The following MAGI3 variants were observed in gnomAD, a reference collection of about 807,000 sequenced individuals.
MAGI3 encodes membrane-associated guanylate kinase, WW and PDZ domain-containing protein 3.
A neutral mutation model predicts 121.8 loss-of-function variants in MAGI3; 43 were observed. The observed-to-expected ratio is 0.35, with a 90% CI of 0.28 to 0.46. The LOEUF (loss-of-function observed/expected upper bound fraction) is 0.46, where lower values mean the gene tolerates loss of function less well. MAGI3 is among the 20% of genes least tolerant of loss of function. MAGI3 has a pLI of 1.00. For missense variants in MAGI3, 1,547 were observed against 1,797.3 expected (o/e 0.86, Z 2.52); for synonymous variants, 553 against 639.3 (o/e 0.86, Z 2.04).
chr1:113,453,885 A>G (rs1215375931), intron 1 of MAGI3, among the ~76,000 whole-genome samples: 6 of 152,260 alleles, frequency 3.9e-5, no homozygotes, highest in South Asian at 2.1e-4. Context: ...GCACTTAACC[A>G]TCATGCTATC....
At position 113,622,971 on chromosome 1, in the gene MAGI3, C is replaced by G; in HGVS notation, c.1337C>G (p.Ala446Gly). The G allele has an allele frequency of 1.3e-6, 2 of 1,534,518 alleles. No individual in the cohort carries two copies. Among genetic ancestry groups the G allele is most frequent in the South Asian group, 1.3e-5 (1 of 75,232 alleles). ...VKNVLKDGPAAQDGKIAPGDV... is the reference protein window; with the variant it reads ...VKNVLKDGPAGQDGKIAPGDV... Reference sequence around the variant, plus strand: ...AATGTGCTGAAAGATGGTCCCGCAGCTCAGGATGGGAAAATTGCACCAGGT... The same window carrying G: ...AATGTGCTGAAAGATGGTCCCGCAGGTCAGGATGGGAAAATTGCACCAGGT... Residue 446 changes from alanine to glycine, a missense_variant, in exon 9 of 21, where the codon GCT becomes GGT. Physicochemically the swap from Ala to Gly is moderately conservative, Grantham distance 60. Transcript: ENST00000307546.
At chr1:113,624,935 C>A (rs1490081550) in intron 9 of MAGI3, among the ~76,000 whole-genome samples, 4 of 152,116 alleles carry the variant, frequency 2.6e-5, no homozygotes, top group African/African-American at 9.7e-5. Flanking sequence ...ATGTGGATAT[C>A]CAATTTTCCT....
At chr1:113,583,111 GA>G (rs1246742193) in intron 3 of MAGI3, among the ~76,000 whole-genome samples, 1 of 151,078 alleles carries the variant, frequency 6.6e-6, no homozygotes, top group East Asian at 1.9e-4. Context: ...AACATCTCAA[GA>G]AAAAATAGAT....
chr1:113,595,599 A>C, intron 6 of MAGI3, among the ~76,000 whole-genome samples: 1 of 152,226 alleles, frequency 6.6e-6, no homozygotes, highest in East Asian at 1.9e-4. Context: ...TTTTCTAGGA[A>C]GAAGCAATCA....
chr1:113,447,854 C>G (rs1366445744), intron 1 of MAGI3, among the ~76,000 whole-genome samples: 1 of 144,598 alleles, frequency 6.9e-6, no homozygotes, highest in Non-Finnish European at 1.5e-5. Flanking sequence ...GACTGTGTCT[C>G]AAAAAAAAAA....
chr1:113,552,303 T>C (rs1293615467), intron 2 of MAGI3, among the ~76,000 whole-genome samples: 1 of 152,334 alleles, frequency 6.6e-6, no homozygotes, highest in African/African-American at 2.4e-5. Context: ...TTTGTGGCCT[T>C]TATACTTTGA....
In MAGI3 at chr1:113,542,425, T is replaced by C. The variant is rs538227313; in HGVS notation, c.317-7090T>C. Reference sequence around the variant, plus strand: ...TTTATGTCTGGAACTTTCCATTTAATACTTTCAGACCAAGGCTGACTGTGG... The same window carrying C: ...TTTATGTCTGGAACTTTCCATTTAACACTTTCAGACCAAGGCTGACTGTGG... On this transcript the variant is annotated intron_variant, in intron 1 of 20. Transcript: ENST00000307546. Among the ~76,000 whole-genome samples the C allele has an allele frequency of 2.0e-5, 3 of 152,340 alleles. No homozygotes were observed. The South Asian group carries it at 6.2e-4, about 32-fold the overall frequency.
intron 1 of MAGI3, among the ~76,000 whole-genome samples, chr1:113,406,278 GAA>G (rs764250269): frequency 1.6e-3 from 119 of 74,526 alleles, no homozygotes; most frequent in African/African-American, 4.8e-3. Context: ...TTTGTCTACA[GAA>G]AAAAAAAAAA....
At chr1:113,544,757 C>T (rs1033148366) in intron 1 of MAGI3, among the ~76,000 whole-genome samples, 1 of 152,192 alleles carries the variant, frequency 6.6e-6, no homozygotes, top group Middle Eastern at 3.2e-3. Flanking sequence ...GAAGAGATAG[C>T]TCACTGTCTG....
chr1:113,576,312 G>A (rs573952440), intron 2 of MAGI3, among the ~76,000 whole-genome samples: 206 of 152,310 alleles, frequency 1.4e-3, no homozygotes, highest in African/African-American at 4.5e-3. Context: ...GTAGGCACAC[G>A]AGGGAATTTC....
intron 1 of MAGI3, among the ~76,000 whole-genome samples, chr1:113,527,927 C>CAT (rs1658527874): frequency 6.6e-6 from 1 of 152,090 alleles, no homozygotes; most frequent in Non-Finnish European, 1.5e-5. Context: ...AATGAATACC[C>CAT]ATATAACCAC....
At chr1:113,393,778 C>A (rs1650949518) in intron 1 of MAGI3, among the ~76,000 whole-genome samples, 2 of 152,100 alleles carry the variant, frequency 1.3e-5, no homozygotes, top group Non-Finnish European at 2.9e-5. Context: ...AAGAAACTTG[C>A]CATAAACATT....
intron 1 of MAGI3, among the ~76,000 whole-genome samples, chr1:113,487,710 C>T (rs1045702883): frequency 1.3e-5 from 2 of 150,832 alleles, no homozygotes; most frequent in African/African-American, 4.9e-5. Flanking sequence ...AAAATGTCAT[C>T]TATAGCCACC....
At chr1:113,672,533 T>C in intron 17 of MAGI3, 82 bp from the exon 18 acceptor site, 2 of 1,465,074 alleles carry the variant, frequency 1.4e-6, no homozygotes, top group Non-Finnish European at 9.1e-7. Context: ...GTCGAGCTTT[T>C]AAAAGAAAAG....
chr1:113,423,450 T>C (rs1652837896), intron 1 of MAGI3, among the ~76,000 whole-genome samples: 1 of 152,086 alleles, frequency 6.6e-6, no homozygotes, highest in South Asian at 2.1e-4. Flanking sequence ...TTTTTGTATT[T>C]TTAGTAGAGA....
At chr1:113,554,503 C>T (rs528680846) in intron 2 of MAGI3, among the ~76,000 whole-genome samples, 1 of 151,100 alleles carries the variant, frequency 6.6e-6, no homozygotes, top group South Asian at 2.1e-4. Context: ...ATTTCTACTT[C>T]TGCAATGAAG....
In MAGI3 at chr1:113,519,023, G is replaced by A. The variant is rs574789087; in HGVS notation, c.317-30492G>A. On this transcript the variant is annotated intron_variant, in intron 1 of 20. Coordinates refer to ENST00000307546, the MANE Select transcript of MAGI3 (RefSeq NM_001142782.2). ...TACTACGAACTACACATTATTTTTGGAGGGAAATAAAAGGGGGTACTGATG... is the reference window on the plus strand; with the variant it reads ...TACTACGAACTACACATTATTTTTGAAGGGAAATAAAAGGGGGTACTGATG... Among the ~76,000 whole-genome samples the A allele has an allele frequency of 2.1e-4, 32 of 152,166 alleles. 3 individuals carry two copies. In the South Asian group the frequency reaches 6.4e-3, roughly 31 times the overall value.
Position 113,399,055 on chromosome 1 carries a change from T to TA in MAGI3, c.316+7706_316+7707insA, listed in dbSNP as rs199693630. 5.0e-5 allele frequency among the ~76,000 whole-genome samples: 7 copies of TA among 140,462 alleles called. No homozygotes were observed. In the Admixed American group the frequency reaches 5.1e-4, roughly 10 times the overall value. 92.1% of individuals were successfully genotyped at this position (140,462 alleles called of 152,430 possible). A position where few individuals can be genotyped will look rare whatever the true frequency, so the allele number is the denominator to read the frequency against. On this transcript the variant is annotated intron_variant, in intron 1 of 20. Transcript: ENST00000307546. ...AGGCATAGATCAGTAACAGCTAACTTCTGTTCTCAAGTGTTGGTCATTAGA... is the reference window on the plus strand; with the variant it reads ...AGGCATAGATCAGTAACAGCTAACTTACTGTTCTCAAGTGTTGGTCATTAGA...
intron 1 of MAGI3, among the ~76,000 whole-genome samples, chr1:113,466,818 G>C (rs1655313351): frequency 6.6e-6 from 1 of 151,696 alleles, no homozygotes; most frequent in Non-Finnish European, 1.5e-5. Context: ...TTTCATTTCT[G>C]ATTTTATTTG....
Sources: allele counts gnomAD v4.1 joint callset (sites outside exome capture counted in the v4.1 genomes callset), GRCh38; gene constraint gnomAD v4.1.1; transcripts MANE v1.5; gene names NCBI Gene and HGNC (gene_info 2026-07-23, HGNC 2026-07-21).